The following DLG3 variants were observed in gnomAD, a reference collection of about 807,000 sequenced individuals.
DLG3 encodes discs large MAGUK scaffold protein 3.
Under a neutral mutation model 64.1 loss-of-function variants are expected in DLG3, and 1 was observed. That is an observed-to-expected ratio of 0.02 (90% CI 0.01 to 0.07). DLG3 has a LOEUF of 0.07. Among genes scored for constraint, DLG3 ranks in the 10% least tolerant of loss-of-function variants. DLG3 has a pLI of 1.00. For missense variants in DLG3, 429 were observed against 669.5 expected (o/e 0.64, Z 3.96); for synonymous variants, 245 against 259.8 (o/e 0.94, Z 0.55).
At chrX:70,501,016 G>C (rs376649144) in intron 18 of DLG3, 27 bp downstream of exon 18, 2 of 1,088,275 alleles carry the variant, frequency 1.8e-6, no homozygotes, top group Admixed American at 2.4e-5. Flanking sequence ...CCTGCGGGGG[G>C]TTCTGGGGAA....
intron 6 of DLG3, chrX:70,451,042 G>A (rs1439837478): frequency 7.2e-6 from 3 of 418,251 alleles, no homozygotes; most frequent in Non-Finnish European, 1.3e-5. Context: ...AAAAAGAGGA[G>A]AGAGAGAAGC....
At chrX:70,488,577 G>GA (rs972666181) in intron 10 of DLG3, among the ~76,000 whole-genome samples, 23 of 111,957 alleles carry the variant, frequency 2.1e-4, no homozygotes, top group African/African-American at 7.5e-4. Context: ...CAAAGGAAGG[G>GA]ATTGTTGAGG....
Position 70,452,000 on chromosome X carries a change from C to T in DLG3, c.1119C>T (p.His373=), listed in dbSNP as rs1362191093. The T allele has an allele frequency of 2.6e-5, 31 of 1,209,387 alleles. No homozygotes were observed. Among genetic ancestry groups the T allele is most frequent in the African/African-American group, 3.5e-5 (2 of 57,007 alleles). The change falls in exon 7 of 19, where the codon CAC becomes CAT. Residue 373 remains histidine (H), a synonymous_variant. Transcript: ENST00000374360. ...CCCGCTACTCTCCTATTCCCAGGCA[C>T]ATGCTGGCTGAGGAGGACTTCACCA... ...PPTRYSPIPR[H]MLAEEDFTRE... is the part of the protein sequence containing the mutation.
At chrX:70,498,810 AG>A (rs2087504124) in intron 14 of DLG3, among the ~76,000 whole-genome samples, 1 of 111,492 alleles carries the variant, frequency 9.0e-6, no homozygotes, top group Non-Finnish European at 1.9e-5. Context: ...CTTCCAAAGG[AG>A]GGGGCAAATT....
intron 9 of DLG3, among the ~76,000 whole-genome samples, chrX:70,472,697 G>A (rs1012709771): frequency 8.9e-6 from 1 of 112,382 alleles, no homozygotes; most frequent in African/African-American, 3.2e-5. Flanking sequence ...CACAAACATA[G>A]AAAGCATGTG....
intron 7 of DLG3, chrX:70,453,330 G>A: frequency 3.7e-6 from 1 of 270,205 alleles, no homozygotes; most frequent in Non-Finnish European, 6.6e-6. Flanking sequence ...GGACCAGTGA[G>A]TGGGCCTGAG....
At chrX:70,448,506 C>G in intron 1 of DLG3, 1 of 947,929 alleles carries the variant, frequency 1.1e-6, no homozygotes, top group Non-Finnish European at 1.5e-6. Context: ...CTGTCTAGGC[C>G]ACTGGGTATC....
intron 9 of DLG3, among the ~76,000 whole-genome samples, chrX:70,473,588 T>C (rs1441226900): frequency 1.8e-5 from 2 of 110,699 alleles, no homozygotes; most frequent in Non-Finnish European, 3.8e-5. Flanking sequence ...TTCAGTAATT[T>C]TTTTTTATTT....
chrX:70,501,301 C>A (rs955078207), intron 18 of DLG3, among the ~76,000 whole-genome samples: 1 of 110,422 alleles, frequency 9.1e-6, no homozygotes, highest in Non-Finnish European at 1.9e-5. Flanking sequence ...GCTCCACTCC[C>A]CCTCCCCCAG....
intron 1 of DLG3, 137 bp from the exon 2 acceptor site, chrX:70,448,776 A>G: frequency 1.0e-6 from 1 of 961,272 alleles, no homozygotes; most frequent in Non-Finnish European, 1.5e-6. Flanking sequence ...GCCTGTCCTC[A>G]TCTGTGGCCA....
intron 9 of DLG3, among the ~76,000 whole-genome samples, chrX:70,465,704 GTATC>G (rs1748738855): frequency 9.0e-6 from 1 of 111,370 alleles, no homozygotes; most frequent in South Asian, 3.7e-4. Context: ...TAATATGTTT[GTATC>G]TATCTGTTTT....
At chrX:70,466,456 T>C (rs1243007462) in intron 9 of DLG3, among the ~76,000 whole-genome samples, 3 of 107,489 alleles carry the variant, frequency 2.8e-5, no homozygotes, top group African/African-American at 1.0e-4. Flanking sequence ...TTTTTTTTTT[T>C]GTGATTGAGT....
At chrX:70,477,790 AGAG>A (rs1216279740) in intron 9 of DLG3, among the ~76,000 whole-genome samples, 1 of 111,972 alleles carries the variant, frequency 8.9e-6, no homozygotes, top group Admixed American at 9.4e-5. Flanking sequence ...AACTTTGTTG[AGAG>A]GAGGTTATTT....
At chrX:70,451,841 C>T (rs1193727460) in intron 6 of DLG3, 26 bp from the exon 7 acceptor site, 6 of 1,210,326 alleles carry the variant, frequency 5.0e-6, no homozygotes, top group Non-Finnish European at 6.7e-6. Context: ...AGTCTCTGAA[C>T]TTTTCTCTCC....
At position 70,500,567 on chromosome X, in the gene DLG3, A is replaced by G; in HGVS notation, c.2242A>G (p.Ile748Val). The G allele has an allele frequency of 8.3e-7, 1 of 1,199,861 alleles. No homozygotes were observed. Among genetic ancestry groups the G allele is most frequent in the Non-Finnish European group, 1.1e-6 (1 of 884,585 alleles). The change falls in exon 17 of 19, where the codon ATT becomes GTT. Residue 748 changes from isoleucine (I) to valine (V), a missense_variant. This residue lies in a region of DLG3 where 48 missense variants were observed against 69.5 expected (regional missense o/e 0.69). Coordinates refer to ENST00000374360, the MANE Select transcript of DLG3 (RefSeq NM_021120.4). ...PIAIFIKPKSIEALMEMNRRQ... is the reference protein window; with the variant it reads ...PIAIFIKPKSVEALMEMNRRQ... Reference sequence around the variant, plus strand: ...TGCCATTTTCATCAAGCCCAAGTCCATTGAAGCCCTTATGTAAGTGTTGAA... The same window carrying G: ...TGCCATTTTCATCAAGCCCAAGTCCGTTGAAGCCCTTATGTAAGTGTTGAA...
intron 9 of DLG3, among the ~76,000 whole-genome samples, chrX:70,458,652 C>T (rs1309302835): frequency 8.9e-6 from 1 of 112,420 alleles, no homozygotes; most frequent in Non-Finnish European, 1.9e-5. Context: ...AGTATAGGAA[C>T]TGTGTCTTTC....
intron 18 of DLG3, among the ~76,000 whole-genome samples, chrX:70,501,955 C>T (rs1007340833): frequency 3.6e-5 from 4 of 110,805 alleles, no homozygotes; most frequent in African/African-American, 1.3e-4. Flanking sequence ...ACTTGGGGTA[C>T]CTTGTTGGTT....
rs777788415 is a variant in DLG3 at position 70,502,278 on chromosome X, C to T, written c.*9C>T. ...CCCCTGAAAAACTCTGAAGAATCCC[C>T]TCCAACCATTCTCTTGTGAACAGAA... On this transcript the variant is annotated 3_prime_UTR_variant, in exon 19 of 19. Coordinates refer to ENST00000374360, the MANE Select transcript of DLG3 (RefSeq NM_021120.4). The T allele has an allele frequency of 2.0e-5, 23 of 1,129,153 alleles. No homozygotes were observed. The South Asian group carries it at 3.7e-4, about 18-fold the overall frequency. The allele number at this position is 1,129,153 out of a possible 1,213,427, so 93.1% of individuals were successfully genotyped here.
chrX:70,495,294 T>G, intron 12 of DLG3, 114 bp from the exon 13 acceptor site: 1 of 706,286 alleles, frequency 1.4e-6, no homozygotes. Context: ...TCTTTTTCTC[T>G]ATTTTTTCTC....
Sources: gnomAD v4.1 joint callset for allele counts (sites outside exome capture counted in the v4.1 genomes callset) on GRCh38, gnomAD v4.1.1 for gene constraint, gnomAD v4.1.1 regional missense constraint, MANE v1.5 for transcripts, NCBI Gene and HGNC (gene_info 2026-07-23, HGNC 2026-07-21) for gene names.